NUP214: variants seen among roughly 807,000 people sequenced by gnomAD.
NUP214 encodes nucleoporin 214.
NUP214 carries 79 observed loss-of-function variants against 196.2 expected under a neutral mutation model. That is an observed-to-expected ratio of 0.40 (90% CI 0.34 to 0.49). The LOEUF is 0.49. NUP214 is among the 20% of genes least tolerant of loss of function. NUP214 has a pLI of 0.58. For missense variants in NUP214, 2,468 were observed against 2,539.0 expected, an observed-to-expected ratio of 0.97 and a Z score of 0.60; for synonymous variants, 1,020 against 990.5, an observed-to-expected ratio of 1.03 and a Z score of -0.56.
intron 30 of NUP214, 59 bp from the exon 31 acceptor site, chr9:131,215,152 GC>G (rs1834353971): frequency 7.1e-7 from 1 of 1,405,346 alleles, no homozygotes; most frequent in Non-Finnish European, 9.4e-7. Flanking sequence ...CACGGATGCA[GC>G]CTGCCATTTC....
chr9:131,172,536 T>C (rs1420633654), intron 21 of NUP214, among the ~76,000 whole-genome samples: 1 of 152,252 alleles, frequency 6.6e-6, no homozygotes, highest in Non-Finnish European at 1.5e-5. Context: ...TTTCTTTTGC[T>C]GTCTCACAGG....
At chr9:131,128,723 C>G in intron 3 of NUP214, 1 of 428,382 alleles carries the variant, frequency 2.3e-6, no homozygotes, top group South Asian at 4.1e-5. Context: ...GTGACTTGCC[C>G]AAAGTCATAG....
rs187416037 is a variant in NUP214 at position 131,150,508 on chromosome 9, G to A, written c.2127+98G>A. 189 of 1,567,138 alleles carry A rather than the reference G, an allele frequency of 1.2e-4. No homozygotes were observed. In the East Asian group the frequency reaches 3.8e-3, roughly 31 times the overall value. ...GTATGACTAGTTAGTTCATTCTAGC[G>A]CTGAAGCATGGCCCATCCCAGCAGT... On this transcript the variant is annotated intron_variant, in intron 15 of 35. Transcript: ENST00000359428.
chr9:131,162,013 A>AT (rs201791356), intron 18 of NUP214, among the ~76,000 whole-genome samples: 152 of 150,286 alleles, frequency 1.0e-3, no homozygotes, highest in East Asian at 3.5e-3. Context: ...GATTTTTTTG[A>AT]TTTTTTTTTT....
At chr9:131,229,618 A>G in intron 33 of NUP214, 2 of 451,450 alleles carry the variant, frequency 4.4e-6, no homozygotes, top group South Asian at 3.3e-5. Flanking sequence ...GGTTAATGCC[A>G]GGTCAGTTAT....
At position 131,204,731 on chromosome 9, in the gene NUP214, AAGAG is replaced by A. The variant is rs142356426; in HGVS notation, c.5592+3018_5592+3021del. Among the ~76,000 whole-genome samples, 94 of 152,324 alleles carry A rather than the reference AAGAG, an allele frequency of 6.2e-4. 3 individuals are homozygous for A. In the East Asian group the frequency reaches 0.016, roughly 26 times the overall value. ...CATTTAATCAGAGTCCCAGAAGGAG[AAGAG>A]AGAAAGACAGAACCTTCCAAAACTA... On this transcript the variant is annotated intron_variant, in intron 30 of 35. Transcript: ENST00000359428.
chr9:131,233,380 G>T, intron 35 of NUP214, 74 bp from the exon 36 acceptor site: 1 of 1,453,134 alleles, frequency 6.9e-7, no homozygotes, highest in South Asian at 1.3e-5. Flanking sequence ...TTTGCACACA[G>T]GCAGAGCAGC....
chr9:131,133,037 A>G (rs1831605477), intron 6 of NUP214, 69 bp from the exon 7 acceptor site: 1 of 1,181,838 alleles, frequency 8.5e-7, no homozygotes, highest in Non-Finnish European at 1.3e-6. Context: ...TATTCCAAAC[A>G]TAAGCTGCTT....
Position 131,150,262 on chromosome 9 carries a change from C to T in NUP214, c.2041-62C>T, listed in dbSNP as rs1432612590. 1.7e-5 allele frequency: 24 copies of T among 1,417,498 alleles called. No homozygotes were observed. In the East Asian group the frequency reaches 5.2e-4, roughly 31 times the overall value. The allele number at this position is 1,417,498 out of a possible 1,614,324, so 87.8% of individuals were successfully genotyped here. A position where few individuals can be genotyped will look rare whatever the true frequency, so the allele number is the denominator to read the frequency against. On this transcript the variant is annotated intron_variant, in intron 14 of 35. Coordinates refer to ENST00000359428, the MANE Select transcript of NUP214 (RefSeq NM_005085.4). ...GGAGCGCCACTCCCTGTAATAGGCT[C>T]TGATATAATTGCTTGTAGAAGCTAT...
chr9:131,174,303 G>T lies in NUP214; in HGVS notation c.3142G>T (p.Val1048Leu), dbSNP rs1460736429. Reference protein sequence around the residue: ...SHLVHGSSPGVMGTSVATSAS... With the variant: ...SHLVHGSSPGLMGTSVATSAS... ...CCTGGTTCATGGTTCTTCACCTGGTGTGATGGGAACTTCAGGTAAGTAAAC... is the reference window on the plus strand; with the variant it reads ...CCTGGTTCATGGTTCTTCACCTGGTTTGATGGGAACTTCAGGTAAGTAAAC... Residue 1048 changes from valine (V) to leucine (L), a missense_variant, in exon 22 of 36, where the codon GTG becomes TTG. By Grantham distance (32) the Val-to-Leu change is conservative (BLOSUM62 1). Coordinates refer to ENST00000359428, the MANE Select transcript of NUP214 (RefSeq NM_005085.4). 1 of 1,612,188 alleles carries T rather than the reference G, an allele frequency of 6.2e-7. No individual in the cohort carries two copies. Among genetic ancestry groups the T allele is most frequent in the Non-Finnish European group, 8.5e-7 (1 of 1,179,546 alleles).
intron 22 of NUP214, among the ~76,000 whole-genome samples, chr9:131,174,746 A>G (rs1266712686): frequency 1.3e-5 from 2 of 151,964 alleles, no homozygotes; most frequent in Admixed American, 6.6e-5. Flanking sequence ...GAGCCACTGC[A>G]CCTGGCTGCT....
chr9:131,133,191 G>A lies in NUP214; in HGVS notation c.813G>A (p.Val271=), dbSNP rs1332492852. ...GGACCCTGGAAACGTCTCCAGATGT[G>A]GTGATGGCTCTACTACCGGTATGCC... is the stretch of plus-strand genomic sequence containing the variant. The part of the protein sequence containing the change: ...ADGTLETSPD[V]VMALLPKKEE... The change falls in exon 7 of 36, where the codon GTG becomes GTA. Residue 271 remains valine, a synonymous_variant. Coordinates refer to ENST00000359428, the MANE Select transcript of NUP214 (RefSeq NM_005085.4). 6.3e-7 allele frequency: 1 copy of A among 1,581,284 alleles called. No individual in the cohort carries two copies. Among genetic ancestry groups the A allele is most frequent in the East Asian group, 2.3e-5 (1 of 42,842 alleles).
At chr9:131,128,633 C>A in intron 3 of NUP214, 150 bp downstream of exon 3, 1 of 606,632 alleles carries the variant, frequency 1.6e-6, no homozygotes. Flanking sequence ...ATTATAGAAT[C>A]ATAGATCTTT....
chr9:131,215,103 T>C (rs1041086958), intron 30 of NUP214, 109 bp from the exon 31 acceptor site: 10 of 998,692 alleles, frequency 1.0e-5, no homozygotes, highest in African/African-American at 1.7e-5. Flanking sequence ...GAACTAATCT[T>C]GCTTTTTCCA....
chr9:131,137,626 C>G (rs924919836), intron 9 of NUP214, among the ~76,000 whole-genome samples: 3 of 145,336 alleles, frequency 2.1e-5, no homozygotes, highest in Admixed American at 7.1e-5. Flanking sequence ...TCTTGGCTCA[C>G]TGCAACCTCC....
rs771481461 is a variant in NUP214, at chr9:131,128,501, T to C, written c.393+18T>C. The C allele has an allele frequency of 9.4e-6, 15 of 1,594,442 alleles. No homozygotes were observed. The highest frequency in any genetic ancestry group is 1.3e-5 in the Non-Finnish European group (15 of 1,167,002). The stretch of plus-strand genomic sequence containing the variant: ...CAAATGAGGTAAGCTACTGTTATAC[T>C]GTGATGTCAACATGAGAACCCTAAG... On this transcript the variant is annotated intron_variant, in intron 3 of 35. Transcript: ENST00000359428.
In NUP214 at chr9:131,228,313, C is replaced by T. The variant is rs1417081600; in HGVS notation, c.6056C>T (p.Ala2019Val). 3.8e-6 allele frequency: 6 copies of T among 1,592,038 alleles called. No individual in the cohort carries two copies. The highest frequency in any genetic ancestry group is 5.1e-6 in the Non-Finnish European group (6 of 1,171,936). ...GTGTTCGGAGAGGGCACTGCAGCTG[C>T]CAGCGCAGGAGGATTCGGGTAAGCC... is the stretch of plus-strand genomic sequence containing the variant. ...GKVFGEGTAA[A>V]SAGGFGFGSS... Residue 2019 changes from alanine to valine, a missense_variant, in exon 33 of 36, where the codon GCC (alanine) becomes GTC (valine). Around this residue, in one of 5 missense-constraint regions of NUP214, gnomAD observed 262 missense variants for 296.5 expected, o/e 0.88. Transcript: ENST00000359428.
At chr9:131,230,819 CT>C in intron 34 of NUP214, 50 bp downstream of exon 34, 1 of 1,580,640 alleles carries the variant, frequency 6.3e-7, no homozygotes, top group Non-Finnish European at 8.6e-7. Context: ...TCCCTCTTGC[CT>C]TCTCCCCCAA....
Position 131,198,641 on chromosome 9 carries a change from C to A in NUP214, c.5147C>A (p.Thr1716Lys), listed in dbSNP as rs1424276631. 2.5e-6 allele frequency: 4 copies of A among 1,614,252 alleles called. No individual in the cohort carries two copies. Among genetic ancestry groups the A allele is most frequent in the African/African-American group, 1.3e-5 (1 of 75,068 alleles). Residue 1716 changes from threonine (T) to lysine (K), a missense_variant, in exon 29 of 36, where the codon ACA (threonine) becomes AAA (lysine). Coordinates refer to ENST00000359428, the MANE Select transcript of NUP214 (RefSeq NM_005085.4). ...SGFSSPAFGT[T>K]APGVFGQTTF... ...TTTAGCAGCCCAGCTTTTGGTACCA[C>A]AGCCCCAGGGGTCTTTGGACAGACA...
Sources: allele counts gnomAD v4.1 joint callset (sites outside exome capture counted in the v4.1 genomes callset), GRCh38; gene constraint gnomAD v4.1.1; regional missense constraint gnomAD v4.1.1; transcripts MANE v1.5; gene names NCBI Gene and HGNC (gene_info 2026-07-23, HGNC 2026-07-21).